ARL3: variants seen among roughly 807,000 people sequenced by gnomAD.
ARL3 encodes the protein ARF like GTPase 3, also known as ADP-ribosylation factor-like protein 3.
Under a neutral mutation model 26.0 loss-of-function variants are expected in ARL3, and 9 were observed. The observed-to-expected ratio is 0.35, with a 90% confidence interval of 0.21 to 0.60. The LOEUF (loss-of-function observed/expected upper bound fraction) is 0.60, where lower values mean the gene tolerates loss of function less well. Among genes scored for constraint, ARL3 ranks in the 20% least tolerant of loss-of-function variants. The pLI, the probability that ARL3 is intolerant of heterozygous loss-of-function variation, is 0.78. For missense variants in ARL3, 158 were observed against 215.7 expected, an observed-to-expected ratio of 0.73 and a Z score of 1.67; for synonymous variants, 71 against 78.4, an observed-to-expected ratio of 0.91 and a Z score of 0.50.
intron 1 of ARL3, among the ~76,000 whole-genome samples, chr10:102,713,750 C>T (rs1564735501): frequency 1.3e-5 from 2 of 152,298 alleles, no homozygotes; most frequent in Non-Finnish European, 2.9e-5. Context: ...ACTTCCCTAC[C>T]CCCCAGGGGC....
rs529331836 is a variant in ARL3, at chr10:102,709,556, A to T, written c.4-4067T>A. ...CAGCTACTCAGGAGGCTGAGACAGA[A>T]GGATGGCTTGAGCCCAAGAGTTTGA... is the stretch of plus-strand genomic sequence containing the variant. On this transcript the variant is annotated intron_variant, in intron 1 of 5. Coordinates refer to ENST00000260746, the MANE Select transcript of ARL3 (RefSeq NM_004311.4). Among the ~76,000 whole-genome samples, 3 of 149,438 alleles carry T rather than the reference A, an allele frequency of 2.0e-5. No homozygotes were observed. In the South Asian group the frequency reaches 6.4e-4, roughly 32 times the overall value.
chr10:102,711,370 GTATATATATA>G (rs1171526007), intron 1 of ARL3, among the ~76,000 whole-genome samples: 2 of 150,138 alleles, frequency 1.3e-5, no homozygotes, highest in Non-Finnish European at 1.5e-5. Flanking sequence ...ATATGTATCT[GTATATATATA>G]TGTATATATA....
intron 5 of ARL3, among the ~76,000 whole-genome samples, chr10:102,679,922 T>C (rs2135995187): frequency 6.6e-6 from 1 of 152,304 alleles, no homozygotes; most frequent in Non-Finnish European, 1.5e-5. Flanking sequence ...TTTAAATAAA[T>C]GTTCCATACC....
Position 102,705,481 on chromosome 10 carries a change from G to C in ARL3, c.12C>G (p.Leu4=), listed in dbSNP as rs780505243. Residue 4 remains leucine (L), a synonymous_variant, in exon 2 of 6, where the codon CTC becomes CTG. Transcript: ENST00000260746. MGL[L]SILRKLKSAP... ...CACTTTTCAACTTGCGCAAAATTGA[G>C]AGCAAGCCCTTCAACAACCACAAAG... 3 of 1,592,728 alleles carry C rather than the reference G, an allele frequency of 1.9e-6. No individual in the cohort carries two copies. The highest frequency in any genetic ancestry group is 1.7e-5 in the Admixed American group (1 of 59,380).
At chr10:102,701,033 G>A (rs890502602) in intron 2 of ARL3, among the ~76,000 whole-genome samples, 7 of 152,058 alleles carry the variant, frequency 4.6e-5, no homozygotes, top group Admixed American at 2.0e-4. Context: ...CACTGCACCG[G>A]GCTGGAAGTC....
intron 4 of ARL3, among the ~76,000 whole-genome samples, chr10:102,688,155 T>A (rs1269751217): frequency 6.6e-6 from 1 of 152,232 alleles, no homozygotes; most frequent in Non-Finnish European, 1.5e-5. Flanking sequence ...TTACAAAAAC[T>A]ATAGGAAAGG....
intron 1 of ARL3, among the ~76,000 whole-genome samples, chr10:102,706,717 C>T (rs1324008914): frequency 6.6e-6 from 1 of 151,998 alleles, no homozygotes; most frequent in Non-Finnish European, 1.5e-5. Flanking sequence ...GTCACCCAGG[C>T]TGGAGTGCAG....
chr10:102,712,266 G>A (rs1453719790), intron 1 of ARL3, among the ~76,000 whole-genome samples: 1 of 152,064 alleles, frequency 6.6e-6, no homozygotes, highest in Non-Finnish European at 1.5e-5. Context: ...AAAAAACCTT[G>A]GGGTTCACGC....
intron 4 of ARL3, among the ~76,000 whole-genome samples, chr10:102,687,753 C>G (rs1027866698): frequency 2.6e-5 from 4 of 152,012 alleles, no homozygotes; most frequent in Non-Finnish European, 5.9e-5. Context: ...TCTTGAACTC[C>G]TGGGCTCAAG....
At chr10:102,677,503 C>G (rs1460485208) in intron 5 of ARL3, among the ~76,000 whole-genome samples, 4 of 152,176 alleles carry the variant, frequency 2.6e-5, no homozygotes, top group African/African-American at 9.6e-5. Flanking sequence ...AGGGTCTGGC[C>G]CGCTTCTTAT....
At chr10:102,711,994 CAAGCTCCATAT>C (rs1383252208) in intron 1 of ARL3, among the ~76,000 whole-genome samples, 2 of 152,082 alleles carry the variant, frequency 1.3e-5, no homozygotes, top group Non-Finnish European at 2.9e-5. Context: ...AGAACGACCA[CAAGCTCCATAT>C]ATGTAGAAAG....
chr10:102,677,034 C>A, intron 5 of ARL3, 93 bp from the exon 6 acceptor site: 3 of 1,412,136 alleles, frequency 2.1e-6, no homozygotes, highest in South Asian at 2.3e-5. Flanking sequence ...GGGTCCCAGG[C>A]CCTCCCTCCC....
intron 2 of ARL3, among the ~76,000 whole-genome samples, chr10:102,702,828 A>G (rs2064287421): frequency 6.6e-6 from 1 of 152,206 alleles, no homozygotes; most frequent in Non-Finnish European, 1.5e-5. Context: ...GTAGCAGTTG[A>G]AATGACTTTT....
chr10:102,703,425 CTTTTTTTTTTTTT>C (rs57721161), intron 2 of ARL3, among the ~76,000 whole-genome samples: 7 of 48,484 alleles, frequency 1.4e-4, no homozygotes, highest in Middle Eastern at 0.028. Context: ...CAGGACTTGT[CTTTTTTTTTTTTT>C]TTTTTTTTTT....
At chr10:102,678,834 G>A (rs1353803769) in intron 5 of ARL3, among the ~76,000 whole-genome samples, 1 of 152,252 alleles carries the variant, frequency 6.6e-6, no homozygotes, top group Non-Finnish European at 1.5e-5. Flanking sequence ...AGGCAAAGGA[G>A]GGTTCAAACG....
At chr10:102,712,033 CTGAA>C (rs753303112) in intron 1 of ARL3, among the ~76,000 whole-genome samples, 165 of 152,184 alleles carry the variant, frequency 1.1e-3, no homozygotes, top group Non-Finnish European at 1.5e-3. Flanking sequence ...TAAATAATTA[CTGAA>C]TGAAGGAATC....
At chr10:102,684,988 C>T (rs1200275133) in intron 5 of ARL3, among the ~76,000 whole-genome samples, 1 of 150,450 alleles carries the variant, frequency 6.6e-6, no homozygotes, top group African/African-American at 2.4e-5. Context: ...TGGCTCATGC[C>T]TGTAATCCCA....
chr10:102,683,116 G>A (rs1472538652), intron 5 of ARL3, among the ~76,000 whole-genome samples: 1 of 152,134 alleles, frequency 6.6e-6, no homozygotes, highest in Non-Finnish European at 1.5e-5. Flanking sequence ...TTCCACTTAA[G>A]TGACTCTTTT....
At chr10:102,712,196 G>T (rs1223396930) in intron 1 of ARL3, among the ~76,000 whole-genome samples, 1 of 152,056 alleles carries the variant, frequency 6.6e-6, no homozygotes, top group Non-Finnish European at 1.5e-5. Context: ...TTTTGCCACA[G>T]TTACCCAAAT....
Sources: allele counts gnomAD v4.1 joint callset (sites outside exome capture counted in the v4.1 genomes callset), GRCh38; gene constraint gnomAD v4.1.1; transcripts MANE v1.5; gene names NCBI Gene and HGNC (gene_info 2026-07-23, HGNC 2026-07-21).